The following PPP2R5E variants were observed in gnomAD, a reference collection of about 807,000 sequenced individuals.
PPP2R5E encodes the protein serine/threonine-protein phosphatase 2A 56 kDa regulatory subunit epsilon isoform.
In PPP2R5E, 4 loss-of-function variants were observed where a neutral mutation model predicts 65.3. The observed-to-expected ratio is 0.06, with a 90% confidence interval of 0.03 to 0.14. The LOEUF is 0.14. Among genes scored for constraint, PPP2R5E ranks in the 10% least tolerant of loss-of-function variants. The pLI is 1.00. For synonymous variants in PPP2R5E, 183 were observed against 187.4 expected, an observed-to-expected ratio of 0.98 and a Z score of 0.19; for missense variants, 274 against 556.1, an observed-to-expected ratio of 0.49 and a Z score of 5.10.
chr14:63,531,474 AAAATT>A (rs1893431927), intron 2 of PPP2R5E, among the ~76,000 whole-genome samples: 2 of 125,572 alleles, frequency 1.6e-5, no homozygotes, highest in Non-Finnish European at 3.1e-5. Flanking sequence ...TAATAATAAT[AAAATT>A]AAAAAGAAAA....
intron 2 of PPP2R5E, among the ~76,000 whole-genome samples, chr14:63,461,451 CAAAA>C (rs2139510582): frequency 6.6e-6 from 1 of 151,682 alleles, no homozygotes; most frequent in African/African-American, 2.4e-5. Flanking sequence ...TTTATAATAA[CAAAA>C]GAAGATAAAG....
At chr14:63,418,841 C>CTTTTTTTT (rs772740856) in intron 4 of PPP2R5E, among the ~76,000 whole-genome samples, 5 of 105,084 alleles carry the variant, frequency 4.8e-5, no homozygotes, top group Non-Finnish European at 5.7e-5. Context: ...AATTTTTTTA[C>CTTTTTTTT]TTTTTTTTTT....
intron 5 of PPP2R5E, among the ~76,000 whole-genome samples, chr14:63,402,229 G>C (rs1244213486): frequency 1.3e-5 from 2 of 152,164 alleles, no homozygotes; most frequent in Non-Finnish European, 2.9e-5. Context: ...AGCCTCAAGA[G>C]GAAAGACCTA....
intron 2 of PPP2R5E, among the ~76,000 whole-genome samples, chr14:63,490,340 C>A (rs1033873873): frequency 6.6e-6 from 1 of 151,930 alleles, no homozygotes; most frequent in East Asian, 1.9e-4. Context: ...TAGAATAAAA[C>A]GTAGGAAATA....
rs528081976 is a variant in PPP2R5E at position 63,379,826 on chromosome 14, C to CTCTCTTTT, written c.1304+2229_1304+2230insAAAAGAGA. On this transcript the variant is annotated intron_variant, in intron 13 of 13. Transcript: ENST00000337537. ...TAAGTTGTTCTTCAATATTCTCTCT[C>CTCTCTTTT]TTTTTTTTTTTTTTTTTTTTTTTTT... 6.8e-4 allele frequency among the ~76,000 whole-genome samples: 68 copies of CTCTCTTTT among 100,282 alleles called. 2 individuals carry two copies. Among genetic ancestry groups the CTCTCTTTT allele is most frequent in the African/African-American group, 3.4e-3 (65 of 19,172 alleles). 65.8% of individuals were successfully genotyped at this position (100,282 alleles called of 152,430 possible).
At chr14:63,473,776 T>C (rs1350942855) in intron 2 of PPP2R5E, among the ~76,000 whole-genome samples, 1 of 152,224 alleles carries the variant, frequency 6.6e-6, no homozygotes, top group Non-Finnish European at 1.5e-5. Context: ...TTAAAGTTTT[T>C]AGAAACTTGG....
chr14:63,421,863 A>T (rs1352210924), intron 4 of PPP2R5E, 130 bp downstream of exon 4: 24 of 682,178 alleles, frequency 3.5e-5, no homozygotes, highest in Non-Finnish European at 5.5e-5. Flanking sequence ...CATAAAAAAC[A>T]TTCTCTAACT....
At chr14:63,540,421 A>C (rs1893848629) in intron 1 of PPP2R5E, among the ~76,000 whole-genome samples, 1 of 128,294 alleles carries the variant, frequency 7.8e-6, no homozygotes, top group South Asian at 2.7e-4. Context: ...ACAGAGCAAG[A>C]GTCCATCTCA....
chr14:63,508,661 C>T (rs1237188804), intron 2 of PPP2R5E, among the ~76,000 whole-genome samples: 1 of 152,180 alleles, frequency 6.6e-6, no homozygotes, highest in African/African-American at 2.4e-5. Context: ...GCTTGTCTTC[C>T]CCAAAAGGGG....
intron 2 of PPP2R5E, among the ~76,000 whole-genome samples, chr14:63,475,216 T>G (rs1890348382): frequency 6.6e-6 from 1 of 152,230 alleles, no homozygotes; most frequent in African/African-American, 2.4e-5. Context: ...CAAACTTCCC[T>G]AGAGAAAGGT....
intron 4 of PPP2R5E, among the ~76,000 whole-genome samples, chr14:63,420,585 T>C (rs1886949216): frequency 6.6e-6 from 1 of 152,032 alleles, no homozygotes; most frequent in South Asian, 2.1e-4. Context: ...CCCCAAAAGC[T>C]CTCTACGTAA....
At chr14:63,437,911 T>G (rs1427354799) in intron 3 of PPP2R5E, among the ~76,000 whole-genome samples, 1 of 152,162 alleles carries the variant, frequency 6.6e-6, no homozygotes, top group East Asian at 1.9e-4. Context: ...CTCCTCACCA[T>G]GACCCCACCA....
chr14:63,383,449 G>C (rs1046372995), intron 12 of PPP2R5E, among the ~76,000 whole-genome samples: 4 of 152,126 alleles, frequency 2.6e-5, no homozygotes, highest in Non-Finnish European at 5.9e-5. Flanking sequence ...GGCAGTGATG[G>C]GAAAGCACCA....
At chr14:63,425,675 C>T (rs113775540) in intron 3 of PPP2R5E, among the ~76,000 whole-genome samples, 42 of 152,338 alleles carry the variant, frequency 2.8e-4, no homozygotes, top group African/African-American at 8.9e-4. Flanking sequence ...TAGGAATATA[C>T]AACACATTTG....
chr14:63,409,975 T>C (rs762482814), intron 5 of PPP2R5E, among the ~76,000 whole-genome samples: 11 of 152,186 alleles, frequency 7.2e-5, no homozygotes, highest in Non-Finnish European at 1.3e-4. Context: ...ACTTACAATA[T>C]ATAGGGAAGT....
At chr14:63,499,695 C>T (rs1198971580) in intron 2 of PPP2R5E, among the ~76,000 whole-genome samples, 1 of 151,792 alleles carries the variant, frequency 6.6e-6, no homozygotes, top group Non-Finnish European at 1.5e-5. Context: ...CCACTGCACT[C>T]CAGCCTGGAA....
At chr14:63,478,433 T>C (rs1890514543) in intron 2 of PPP2R5E, among the ~76,000 whole-genome samples, 1 of 152,182 alleles carries the variant, frequency 6.6e-6, no homozygotes, top group African/African-American at 2.4e-5. Context: ...TTAAACCACA[T>C]TTTCCTCAAA....
chr14:63,409,047 C>A (rs981067863), intron 5 of PPP2R5E, among the ~76,000 whole-genome samples: 1 of 152,110 alleles, frequency 6.6e-6, no homozygotes, highest in Non-Finnish European at 1.5e-5. Flanking sequence ...GCCTGACCAA[C>A]ATGGAGAAAC....
intron 3 of PPP2R5E, among the ~76,000 whole-genome samples, chr14:63,444,079 T>TC (rs1184482091): frequency 6.6e-6 from 1 of 152,188 alleles, no homozygotes; most frequent in African/African-American, 2.4e-5. Flanking sequence ...TCAACACTTA[T>TC]CCATCCATTG....
Sources: allele counts gnomAD v4.1 joint callset (sites outside exome capture counted in the v4.1 genomes callset), GRCh38; gene constraint gnomAD v4.1.1; transcripts MANE v1.5; gene names NCBI Gene and HGNC (gene_info 2026-07-23, HGNC 2026-07-21).